Variants in MED12L observed in about 807,000 individuals in gnomAD.
MED12L encodes mediator complex subunit 12L.
A neutral mutation model predicts 281.3 loss-of-function variants in MED12L; 60 were observed. The ratio of observed to expected loss-of-function variants is 0.21; its 90% CI spans 0.17 to 0.26. The LOEUF (loss-of-function observed/expected upper bound fraction) is 0.26. Ranked by LOEUF, MED12L falls within the 10% of genes least tolerant of loss-of-function variation. The pLI, the probability that MED12L is intolerant of heterozygous loss-of-function variation, is 1.00. For missense variants in MED12L, 2,146 were observed against 2,680.9 expected, an observed-to-expected ratio of 0.80 and a Z score of 4.41; for synonymous variants, 974 against 987.2, an observed-to-expected ratio of 0.99 and a Z score of 0.25.
chr3:151,302,905 C>T (rs1746135956), intron 16 of MED12L, among the ~76,000 whole-genome samples: 1 of 152,116 alleles, frequency 6.6e-6, no homozygotes, highest in Non-Finnish European at 1.5e-5. Flanking sequence ...ATTTCAATAT[C>T]GAATGAGAGG....
intron 16 of MED12L, among the ~76,000 whole-genome samples, chr3:151,239,753 A>G (rs968849193): frequency 6.6e-6 from 1 of 152,170 alleles, no homozygotes; most frequent in African/African-American, 2.4e-5. Context: ...ATATTTTCTG[A>G]TAAGAGATTT....
chr3:151,205,279 C>A (rs1246764299), intron 16 of MED12L, among the ~76,000 whole-genome samples: 1 of 152,098 alleles, frequency 6.6e-6, no homozygotes, highest in Non-Finnish European at 1.5e-5. Context: ...TTGGTCATGG[C>A]AGTACTTTTT....
intron 2 of MED12L, among the ~76,000 whole-genome samples, chr3:151,113,672 A>G (rs1342037334): frequency 3.9e-5 from 6 of 152,236 alleles, no homozygotes. Flanking sequence ...CTCAGAACTC[A>G]AAGCTCCCAA....
At chr3:151,283,887 A>G (rs934481520) in intron 16 of MED12L, among the ~76,000 whole-genome samples, 2 of 152,220 alleles carry the variant, frequency 1.3e-5, no homozygotes, top group Non-Finnish European at 2.9e-5. Context: ...CCTTTTGTAG[A>G]TGTCTGAATC....
At chr3:151,193,375 G>T (rs1724233419) in intron 15 of MED12L, 115 bp from the exon 16 acceptor site, 1 of 710,466 alleles carries the variant, frequency 1.4e-6, no homozygotes, top group African/African-American at 1.8e-5. Flanking sequence ...TTGCTAAGTG[G>T]TTAAGTAGGA....
rs1006653200 is a variant in MED12L, at chr3:151,095,280, G to C, written c.99+8255G>C. Among the ~76,000 whole-genome samples, 4 of 152,168 alleles carry C rather than the reference G, an allele frequency of 2.6e-5. No homozygotes were observed. The South Asian group carries it at 8.3e-4, about 32-fold the overall frequency. ...TTGAAATTGGCCATACAATTCAATA[G>C]TAGTAGTATTTACACCAAGGAAATT... On this transcript the variant is annotated intron_variant, in intron 2 of 44. Transcript: ENST00000687756.
At chr3:151,255,208 T>C (rs1737593737) in intron 16 of MED12L, among the ~76,000 whole-genome samples, 1 of 152,154 alleles carries the variant, frequency 6.6e-6, no homozygotes, top group South Asian at 2.1e-4. Context: ...AGGATAGAAC[T>C]ATCAGCCATA....
At chr3:151,173,752 G>C (rs1274281449) in intron 11 of MED12L, among the ~76,000 whole-genome samples, 1 of 152,136 alleles carries the variant, frequency 6.6e-6, no homozygotes, top group East Asian at 1.9e-4. Context: ...CTGTACAATG[G>C]CCTTACTAAT....
chr3:151,136,237 C>T (rs1452390295), intron 5 of MED12L, among the ~76,000 whole-genome samples: 1 of 152,190 alleles, frequency 6.6e-6, no homozygotes, highest in Non-Finnish European at 1.5e-5. Flanking sequence ...AAAATAAGTC[C>T]TGCTAAACTC....
intron 5 of MED12L, among the ~76,000 whole-genome samples, chr3:151,144,329 G>C (rs1393892197): frequency 6.6e-6 from 1 of 152,166 alleles, no homozygotes; most frequent in African/African-American, 2.4e-5. Context: ...ATGAGAATTG[G>C]AGACCTGTGA....
chr3:151,368,311 G>A (rs1473022995), intron 25 of MED12L, 60 bp downstream of exon 25: 7 of 1,419,748 alleles, frequency 4.9e-6, no homozygotes, highest in African/African-American at 1.4e-5. Flanking sequence ...TTTCTAAAAT[G>A]ACCAAATAGG....
chr3:151,264,358 A>G (rs1739446058), intron 16 of MED12L, among the ~76,000 whole-genome samples: 1 of 152,248 alleles, frequency 6.6e-6, no homozygotes, highest in African/African-American at 2.4e-5. Flanking sequence ...TTTTAAATGG[A>G]AGAACTGAAC....
chr3:151,384,832 T>C, intron 35 of MED12L, 198 bp from the exon 36 acceptor site: 1 of 522,670 alleles, frequency 1.9e-6, no homozygotes. Flanking sequence ...TGTGTTCTAT[T>C]TTCTACTTAA....
At chr3:151,318,988 AGC>A (rs1181277382) in intron 16 of MED12L, among the ~76,000 whole-genome samples, 27 of 152,260 alleles carry the variant, frequency 1.8e-4, no homozygotes, top group Admixed American at 9.8e-4. Context: ...CCGGGACGGT[AGC>A]CTAACAGCTG....
intron 16 of MED12L, among the ~76,000 whole-genome samples, chr3:151,227,058 G>T (rs1467450811): frequency 6.6e-6 from 1 of 152,168 alleles, no homozygotes; most frequent in African/African-American, 2.4e-5. Context: ...GGAGATGTGA[G>T]CTCAAGATCA....
chr3:151,116,554 T>C, intron 3 of MED12L, 112 bp downstream of exon 3: 2 of 690,120 alleles, frequency 2.9e-6, no homozygotes, highest in South Asian at 3.6e-5. Context: ...CATATTCAGA[T>C]TTCCCCCAAA....
chr3:151,398,237 G>A (rs541048353), intron 39 of MED12L, among the ~76,000 whole-genome samples: 21 of 152,190 alleles, frequency 1.4e-4, no homozygotes, highest in African/African-American at 4.3e-4. Flanking sequence ...TTCTAGTGAC[G>A]TCTGCTACAG....
At chr3:151,425,865 G>C in intron 43 of MED12L, 2 of 410,658 alleles carry the variant, frequency 4.9e-6, no homozygotes, top group East Asian at 1.5e-4. Flanking sequence ...GATAACTTCA[G>C]CTGATCTTTG....
At position 151,368,418 on chromosome 3, in the gene MED12L, C is replaced by T. The variant is rs1350778768; in HGVS notation, c.3550+167C>T. On this transcript the variant is annotated intron_variant, in intron 25 of 44. Coordinates refer to ENST00000687756, the MANE Select transcript of MED12L (RefSeq NM_001393769.1). Reference sequence around the variant, plus strand: ...TATTCATTGAGAGGGCTGTCAGCACCTTTTATCTGTGTAATATCAGGATAT... The same window carrying T: ...TATTCATTGAGAGGGCTGTCAGCACTTTTTATCTGTGTAATATCAGGATAT... 5.9e-5 allele frequency among the ~76,000 whole-genome samples: 9 copies of T among 151,948 alleles called. No homozygotes were observed. The East Asian group carries it at 1.7e-3, about 29-fold the overall frequency.
Sources: gnomAD v4.1 joint callset for allele counts (sites outside exome capture counted in the v4.1 genomes callset) on GRCh38, gnomAD v4.1.1 for gene constraint, MANE v1.5 for transcripts, NCBI Gene and HGNC (gene_info 2026-07-23, HGNC 2026-07-21) for gene names.